LUZP2: variants seen among roughly 807,000 people sequenced by gnomAD.
LUZP2 encodes leucine zipper protein 2.
Under a neutral mutation model 51.6 loss-of-function variants are expected in LUZP2, and 52 were observed. The ratio of observed to expected loss-of-function variants is 1.01; its 90% CI spans 0.81 to 1.27. The LOEUF is 1.27. Ranked by LOEUF, LUZP2 falls within the 50% of genes most tolerant of loss-of-function variation. The probability of loss-of-function intolerance (pLI) is 0.00; values close to 1 mark genes in which losing one functional copy is unlikely to be tolerated. For synonymous variants in LUZP2, 154 were observed against 137.3 expected, an observed-to-expected ratio of 1.12 and a Z score of -0.85; for missense variants, 436 against 395.4, an observed-to-expected ratio of 1.10 and a Z score of -0.87.
chr11:25,040,656 A>G (rs780161725), intron 9 of LUZP2, among the ~76,000 whole-genome samples: 1 of 152,128 alleles, frequency 6.6e-6, no homozygotes, highest in Admixed American at 6.6e-5. Flanking sequence ...TTCAGTTGCA[A>G]TATCCCAAGA....
intron 9 of LUZP2, among the ~76,000 whole-genome samples, chr11:25,032,339 A>G (rs920421697): frequency 5.3e-5 from 8 of 152,198 alleles, no homozygotes; most frequent in African/African-American, 1.7e-4. Flanking sequence ...TAACGCTGGT[A>G]TGACAACAAA....
At chr11:24,756,168 C>T (rs1476637821) in intron 4 of LUZP2, among the ~76,000 whole-genome samples, 2 of 152,172 alleles carry the variant, frequency 1.3e-5, no homozygotes, top group African/African-American at 4.8e-5. Flanking sequence ...CACATCTTCT[C>T]CCACCTTTGA....
At chr11:24,849,118 T>A (rs1306249342) in intron 5 of LUZP2, among the ~76,000 whole-genome samples, 3 of 131,716 alleles carry the variant, frequency 2.3e-5, no homozygotes, top group Non-Finnish European at 5.0e-5. Context: ...TGTGACAGGA[T>A]ACTCATTTGA....
intron 5 of LUZP2, among the ~76,000 whole-genome samples, chr11:24,827,943 T>C (rs995492773): frequency 6.6e-6 from 1 of 151,882 alleles, no homozygotes; most frequent in African/African-American, 2.4e-5. Context: ...ATACATGCAT[T>C]AGACTAGACC....
intron 1 of LUZP2, among the ~76,000 whole-genome samples, chr11:24,523,320 T>C (rs1850701575): frequency 6.6e-6 from 1 of 151,438 alleles, no homozygotes. Context: ...GAAAAATATT[T>C]ATAGACAATG....
intron 1 of LUZP2, among the ~76,000 whole-genome samples, chr11:24,588,427 C>T (rs1853145642): frequency 6.6e-6 from 1 of 151,940 alleles, no homozygotes; most frequent in South Asian, 2.1e-4. Flanking sequence ...GTGTCAAGAG[C>T]AATGGATTTA....
chr11:25,000,058 C>T (rs927110991), intron 9 of LUZP2, among the ~76,000 whole-genome samples: 1 of 152,136 alleles, frequency 6.6e-6, no homozygotes, highest in African/African-American at 2.4e-5. Flanking sequence ...ATCCATTTTA[C>T]AGAGTGCTGA....
intron 7 of LUZP2, among the ~76,000 whole-genome samples, chr11:24,960,869 C>T (rs1855373655): frequency 1.3e-5 from 2 of 152,094 alleles, no homozygotes; most frequent in East Asian, 3.9e-4. Flanking sequence ...TTCCTGCTTT[C>T]TCTTGTGGGC....
Position 24,925,032 on chromosome 11 carries a change from G to T in LUZP2, c.522+10494G>T, listed in dbSNP as rs150973585. ...AAAAAAAAATCTGGAAAGGGAAAAG[G>T]ATTCTTTACAGAATATAGATTTTTT... On this transcript the variant is annotated intron_variant, in intron 7 of 11. Coordinates refer to ENST00000336930, the MANE Select transcript of LUZP2 (RefSeq NM_001009909.4). Among the ~76,000 whole-genome samples, 1,244 of 152,224 alleles carry T rather than the reference G, an allele frequency of 8.2e-3. 51 individuals are homozygous for T. Among genetic ancestry groups the T allele is most frequent in the Admixed American group, 0.061 (933 of 15,284 alleles).
At chr11:24,998,698 C>A (rs568885408) in intron 9 of LUZP2, among the ~76,000 whole-genome samples, 5 of 152,242 alleles carry the variant, frequency 3.3e-5, no homozygotes, top group African/African-American at 7.2e-5. Flanking sequence ...ATCCTGTCTA[C>A]CTATACCCAA....
intron 1 of LUZP2, among the ~76,000 whole-genome samples, chr11:24,728,382 G>A (rs1197317578): frequency 1.3e-5 from 2 of 151,880 alleles, no homozygotes; most frequent in Non-Finnish European, 2.9e-5. Flanking sequence ...ATGTTTTGCT[G>A]AAATCAATCC....
intron 10 of LUZP2, among the ~76,000 whole-genome samples, chr11:25,057,267 A>T (rs995590049): frequency 1.5e-4 from 23 of 152,236 alleles, no homozygotes; most frequent in African/African-American, 5.3e-4. Context: ...AAACATGCTT[A>T]TTTTTAGATA....
intron 1 of LUZP2, among the ~76,000 whole-genome samples, chr11:24,541,226 C>T (rs376632033): frequency 7.2e-6 from 1 of 138,248 alleles, no homozygotes; most frequent in Non-Finnish European, 1.5e-5. Flanking sequence ...GCACTCCAGC[C>T]TGGGGGACAA....
Position 24,676,584 on chromosome 11 carries a change from A to C in LUZP2, c.63-52585A>C, listed in dbSNP as rs189894248. Reference sequence around the variant, plus strand: ...AATTTTTACTTAATGCAGAAATGGCACTAAACTTTTCTTAGTGGTATGCGA... The same window carrying C: ...AATTTTTACTTAATGCAGAAATGGCCCTAAACTTTTCTTAGTGGTATGCGA... On this transcript the variant is annotated intron_variant, in intron 1 of 11. Coordinates refer to ENST00000336930, the MANE Select transcript of LUZP2 (RefSeq NM_001009909.4). Among the ~76,000 whole-genome samples the C allele has an allele frequency of 2.6e-4, 40 of 152,354 alleles. No homozygotes were observed. The East Asian group carries it at 7.5e-3, about 29-fold the overall frequency.
At chr11:24,707,777 G>T (rs778375058) in intron 1 of LUZP2, among the ~76,000 whole-genome samples, 1 of 152,082 alleles carries the variant, frequency 6.6e-6, no homozygotes, top group Non-Finnish European at 1.5e-5. Flanking sequence ...TTTCGGTACC[G>T]CAAAAGAAAT....
intron 1 of LUZP2, among the ~76,000 whole-genome samples, chr11:24,572,953 A>G (rs1852490250): frequency 6.6e-6 from 1 of 152,086 alleles, no homozygotes; most frequent in Non-Finnish European, 1.5e-5. Flanking sequence ...AAGCTTAGAT[A>G]TCACGTACAA....
At chr11:24,774,454 A>G (rs1182294794) in intron 5 of LUZP2, among the ~76,000 whole-genome samples, 1 of 134,726 alleles carries the variant, frequency 7.4e-6, no homozygotes, top group Non-Finnish European at 1.6e-5. Flanking sequence ...TATAAAGAAT[A>G]TATTCTTTAT....
At chr11:24,758,076 A>G (rs1230422344) in intron 4 of LUZP2, among the ~76,000 whole-genome samples, 2 of 152,164 alleles carry the variant, frequency 1.3e-5, no homozygotes, top group Admixed American at 1.3e-4. Flanking sequence ...TTATTATTGC[A>G]AATCAATTCA....
At chr11:24,940,332 C>T (rs1771884841) in intron 7 of LUZP2, among the ~76,000 whole-genome samples, 1 of 151,966 alleles carries the variant, frequency 6.6e-6, no homozygotes, top group Admixed American at 6.6e-5. Context: ...AAAATAGGAG[C>T]ACTTTGATGG....
Sources: gnomAD v4.1 joint callset for allele counts (sites outside exome capture counted in the v4.1 genomes callset) on GRCh38, gnomAD v4.1.1 for gene constraint, MANE v1.5 for transcripts, NCBI Gene and HGNC (gene_info 2026-07-23, HGNC 2026-07-21) for gene names.